Variants in MDGA2 observed in about 807,000 individuals in gnomAD.
MDGA2 encodes the protein MAM domain-containing glycosylphosphatidylinositol anchor protein 2.
In MDGA2, 40 loss-of-function variants were observed where a neutral mutation model predicts 117.8. The ratio of observed to expected loss-of-function variants is 0.34; its 90% CI spans 0.26 to 0.44. The LOEUF is 0.44. Among genes scored for constraint, MDGA2 ranks in the 20% least tolerant of loss-of-function variants. MDGA2 has a pLI of 1.00. For missense variants in MDGA2, 1,123 were observed against 1,250.6 expected (o/e 0.90, Z 1.54); for synonymous variants, 452 against 439.0 (o/e 1.03, Z -0.37).
At chr14:47,647,431 C>CA (rs144236928) in intron 1 of MDGA2, among the ~76,000 whole-genome samples, 10,767 of 145,856 alleles carry the variant, frequency 0.074, 1,114 homozygotes, top group African/African-American at 0.24. Flanking sequence ...TTTAAAAAGG[C>CA]AAAAAAAAAA....
chr14:47,617,138 T>C (rs928010770), intron 1 of MDGA2, among the ~76,000 whole-genome samples: 2 of 152,112 alleles, frequency 1.3e-5, no homozygotes, highest in Middle Eastern at 3.4e-3. Context: ...TCATATATAG[T>C]GAAGAGTAGA....
rs2138326580 is a variant in MDGA2, at chr14:47,674,625, T to C, written c.172A>G (p.Thr58Ala). ...AAGLLKVPLRTPWAGYVHVHV... is the reference protein window; with the variant it reads ...AAGLLKVPLRAPWAGYVHVHV... ...ACATGAACATATCCAGCCCAGGGGG[T>C]ACGCAACGGGACCTTCAGGAGGCCG... Residue 58 changes from threonine to alanine, a missense_variant, in exon 1 of 17, where the codon ACC becomes GCC. Coordinates refer to ENST00000399232, the MANE Select transcript of MDGA2 (RefSeq NM_001113498.3). The C allele has an allele frequency of 1.3e-6, 2 of 1,535,808 alleles. No individual in the cohort carries two copies. The highest frequency in any genetic ancestry group is 1.8e-6 in the Non-Finnish European group (2 of 1,134,426).
chr14:46,940,143 C>T (rs1031025549), intron 9 of MDGA2, among the ~76,000 whole-genome samples: 1 of 118,390 alleles, frequency 8.4e-6, no homozygotes, highest in African/African-American at 2.9e-5. Context: ...ATCCCTAGGA[C>T]TCAATCATAT....
At chr14:47,617,217 T>C (rs946881815) in intron 1 of MDGA2, among the ~76,000 whole-genome samples, 1 of 152,086 alleles carries the variant, frequency 6.6e-6, no homozygotes, top group Non-Finnish European at 1.5e-5. Flanking sequence ...GTCTTTTTTT[T>C]TTTTTTGAGA....
chr14:47,560,940 T>C (rs1566515650), intron 1 of MDGA2, among the ~76,000 whole-genome samples: 2 of 152,146 alleles, frequency 1.3e-5, no homozygotes, highest in African/African-American at 2.4e-5. Flanking sequence ...GCATCATTTA[T>C]TGAATACAGA....
At chr14:47,311,065 C>T (rs570416282) in intron 1 of MDGA2, among the ~76,000 whole-genome samples, 8 of 152,162 alleles carry the variant, frequency 5.3e-5, no homozygotes, top group Non-Finnish European at 1.0e-4. Context: ...TATCACAGCA[C>T]CTTAAGAGAT....
chr14:47,222,511 G>T (rs907929393), intron 2 of MDGA2, among the ~76,000 whole-genome samples: 13 of 152,062 alleles, frequency 8.5e-5, no homozygotes, highest in Non-Finnish European at 1.8e-4. Context: ...TTACAATACA[G>T]CTTTCTGAGA....
chr14:47,509,115 G>GA (rs1894584383), intron 1 of MDGA2, among the ~76,000 whole-genome samples: 1 of 152,146 alleles, frequency 6.6e-6, no homozygotes, highest in Non-Finnish European at 1.5e-5. Flanking sequence ...GAGAACATGA[G>GA]AAAGTAGCTG....
chr14:47,300,690 A>G (rs925197447), intron 2 of MDGA2, among the ~76,000 whole-genome samples: 11 of 150,268 alleles, frequency 7.3e-5, no homozygotes, highest in African/African-American at 1.7e-4. Flanking sequence ...GTAGAGACAC[A>G]GTCTCCTTTT....
intron 1 of MDGA2, among the ~76,000 whole-genome samples, chr14:47,634,395 ATAAT>A (rs1405435029): frequency 7.9e-5 from 12 of 152,236 alleles, no homozygotes; most frequent in Admixed American, 5.2e-4. Context: ...AAGAAAACAA[ATAAT>A]TTATTAGTTG....
chr14:47,543,142 C>T (rs1175002878), intron 1 of MDGA2, among the ~76,000 whole-genome samples: 1 of 152,134 alleles, frequency 6.6e-6, no homozygotes, highest in Non-Finnish European at 1.5e-5. Context: ...CCTGGGAGGT[C>T]GAAGCTGCTG....
At chr14:47,380,294 C>G (rs866678477) in intron 1 of MDGA2, among the ~76,000 whole-genome samples, 30 of 152,142 alleles carry the variant, frequency 2.0e-4, no homozygotes, top group African/African-American at 6.5e-4. Context: ...GACACCCTAA[C>G]ATCACAATTA....
intron 2 of MDGA2, among the ~76,000 whole-genome samples, chr14:47,277,774 T>C (rs1021127848): frequency 1.3e-5 from 2 of 152,158 alleles, no homozygotes; most frequent in Non-Finnish European, 2.9e-5. Flanking sequence ...GGCTAAATTG[T>C]TCATGCATTT....
chr14:46,881,880 T>G (rs2138390249), intron 11 of MDGA2, among the ~76,000 whole-genome samples, 164 bp downstream of exon 11: 1 of 152,140 alleles, frequency 6.6e-6, no homozygotes, highest in South Asian at 2.1e-4. Context: ...TTTATGGTGA[T>G]TAAGGTTTTT....
chr14:47,073,745 A>G (rs1017873553), intron 6 of MDGA2, among the ~76,000 whole-genome samples: 1 of 152,202 alleles, frequency 6.6e-6, no homozygotes, highest in African/African-American at 2.4e-5. Flanking sequence ...AGATGCTGAA[A>G]GGTCATTCCA....
chr14:47,031,400 CTTAT>C (rs1227800712), intron 8 of MDGA2, among the ~76,000 whole-genome samples: 1 of 151,998 alleles, frequency 6.6e-6, no homozygotes, highest in Non-Finnish European at 1.5e-5. Context: ...TTTTTTCTAT[CTTAT>C]TTATTATTGC....
At chr14:46,968,750 T>C (rs1040385728) in intron 8 of MDGA2, among the ~76,000 whole-genome samples, 1 of 151,448 alleles carries the variant, frequency 6.6e-6, no homozygotes, top group African/African-American at 2.4e-5. Flanking sequence ...GACAAGAGAA[T>C]TGCTTAAACC....
intron 6 of MDGA2, among the ~76,000 whole-genome samples, chr14:47,067,464 T>C (rs1327058443): frequency 6.6e-6 from 1 of 152,196 alleles, no homozygotes; most frequent in Non-Finnish European, 1.5e-5. Context: ...AAATAATATT[T>C]ATTATTTAAA....
intron 1 of MDGA2, among the ~76,000 whole-genome samples, chr14:47,468,993 T>A (rs1183711715): frequency 6.6e-6 from 1 of 152,116 alleles, no homozygotes; most frequent in African/African-American, 2.4e-5. Context: ...TATGATTCTA[T>A]TCTATCTGAT....
Sources: gnomAD v4.1 joint callset for allele counts (sites outside exome capture counted in the v4.1 genomes callset) on GRCh38, gnomAD v4.1.1 for gene constraint, MANE v1.5 for transcripts, NCBI Gene and HGNC (gene_info 2026-07-23, HGNC 2026-07-21) for gene names.